The following PRKAR2B variants were observed in gnomAD, a reference collection of about 807,000 sequenced individuals.
PRKAR2B encodes cAMP-dependent protein kinase type II-beta regulatory subunit.
In PRKAR2B, 14 loss-of-function variants were observed where a neutral mutation model predicts 49.9. The ratio of observed to expected loss-of-function variants is 0.28; its 90% confidence interval spans 0.19 to 0.44. The LOEUF is 0.44. Among genes scored for constraint, PRKAR2B ranks in the 20% least tolerant of loss-of-function variants. The pLI, the probability that PRKAR2B is intolerant of heterozygous loss-of-function variation, is 1.00. For missense variants in PRKAR2B, 393 were observed against 537.9 expected, an observed-to-expected ratio of 0.73 and a Z score of 2.67; for synonymous variants, 196 against 197.7, an observed-to-expected ratio of 0.99 and a Z score of 0.07.
At chr7:107,124,560 G>C (rs967483302) in intron 3 of PRKAR2B, among the ~76,000 whole-genome samples, 1 of 152,214 alleles carries the variant, frequency 6.6e-6, no homozygotes, top group Admixed American at 6.5e-5. Context: ...TGGGACTACA[G>C]GCATGCACCA....
intron 2 of PRKAR2B, among the ~76,000 whole-genome samples, chr7:107,086,929 G>A (rs983705116): frequency 6.6e-5 from 10 of 151,900 alleles, no homozygotes; most frequent in East Asian, 1.9e-4. Context: ...TATAACTAAC[G>A]TATAACAACT....
At chr7:107,131,477 C>CT (rs1795602685) in intron 4 of PRKAR2B, among the ~76,000 whole-genome samples, 1 of 152,130 alleles carries the variant, frequency 6.6e-6, no homozygotes, top group South Asian at 2.1e-4. Context: ...TTCTTTTAGA[C>CT]TTTTTTTCAC....
chr7:107,098,764 T>G (rs201592388), intron 2 of PRKAR2B, among the ~76,000 whole-genome samples: 3 of 152,182 alleles, frequency 2.0e-5, no homozygotes, highest in African/African-American at 7.2e-5. Flanking sequence ...AGGTCTGTTG[T>G]AGTTTGCTGG....
intron 3 of PRKAR2B, among the ~76,000 whole-genome samples, chr7:107,127,381 C>G (rs1452434735): frequency 6.6e-6 from 1 of 152,236 alleles, no homozygotes; most frequent in African/African-American, 2.4e-5. Context: ...ACAAACTGTT[C>G]ATGTTCACAA....
chr7:107,151,107 C>A (rs1424545299), intron 7 of PRKAR2B, 84 bp downstream of exon 7: 33 of 746,366 alleles, frequency 4.4e-5, no homozygotes, highest in Non-Finnish European at 5.7e-5. Flanking sequence ...AGAAAAATTT[C>A]TTTGAATAAA....
intron 2 of PRKAR2B, among the ~76,000 whole-genome samples, chr7:107,119,408 G>A (rs1165358329): frequency 2.0e-5 from 3 of 152,166 alleles, no homozygotes; most frequent in African/African-American, 7.2e-5. Flanking sequence ...TTTTGAAGAT[G>A]GGGCCCATAT....
intron 3 of PRKAR2B, among the ~76,000 whole-genome samples, chr7:107,123,055 A>G (rs1196659815): frequency 2.0e-5 from 3 of 152,214 alleles, no homozygotes; most frequent in African/African-American, 7.2e-5. Context: ...TGCCTACCGT[A>G]TACTTTATGT....
At chr7:107,059,045 G>C (rs1161277197) in intron 1 of PRKAR2B, among the ~76,000 whole-genome samples, 1 of 151,970 alleles carries the variant, frequency 6.6e-6, no homozygotes, top group Non-Finnish European at 1.5e-5. Context: ...CAGCCCTTTG[G>C]GGGAGACCAA....
At chr7:107,046,389 G>A (rs377741650) in intron 1 of PRKAR2B, among the ~76,000 whole-genome samples, 19 of 152,284 alleles carry the variant, frequency 1.2e-4, no homozygotes, top group South Asian at 4.1e-4. Context: ...TCATTTCCTT[G>A]TGTATGCTCC....
At chr7:107,100,217 C>T (rs1028714670) in intron 2 of PRKAR2B, among the ~76,000 whole-genome samples, 2 of 152,060 alleles carry the variant, frequency 1.3e-5, no homozygotes, top group Admixed American at 6.5e-5. Context: ...TCAGTGTTAT[C>T]TATCTGGACA....
chr7:107,047,485 C>A (rs1584398550), intron 1 of PRKAR2B, among the ~76,000 whole-genome samples: 1 of 144,734 alleles, frequency 6.9e-6, no homozygotes, highest in African/African-American at 2.6e-5. Flanking sequence ...TGCGGTTGTA[C>A]AAAATTAGCT....
At chr7:107,137,629 T>C (rs1290456015) in intron 4 of PRKAR2B, among the ~76,000 whole-genome samples, 3 of 152,184 alleles carry the variant, frequency 2.0e-5, no homozygotes, top group African/African-American at 7.2e-5. Context: ...ACAAATGGCT[T>C]TTTTAGAGTT....
chr7:107,077,073 AT>A (rs1470024681), intron 2 of PRKAR2B, among the ~76,000 whole-genome samples: 4 of 151,942 alleles, frequency 2.6e-5, no homozygotes, highest in African/African-American at 9.7e-5. Context: ...CCCCCAAACT[AT>A]TTTTTTCCAG....
chr7:107,135,919 C>G (rs1795693731), intron 4 of PRKAR2B, among the ~76,000 whole-genome samples: 1 of 152,166 alleles, frequency 6.6e-6, no homozygotes, highest in Non-Finnish European at 1.5e-5. Context: ...CTAATACTAA[C>G]TGACTTCAAG....
intron 2 of PRKAR2B, among the ~76,000 whole-genome samples, chr7:107,108,589 C>A (rs1251629580): frequency 6.6e-6 from 1 of 152,156 alleles, no homozygotes; most frequent in African/African-American, 2.4e-5. Context: ...CCTTCGAAGC[C>A]ATATGGTGTT....
chr7:107,084,706 C>T (rs766875914), intron 2 of PRKAR2B, among the ~76,000 whole-genome samples: 8 of 151,564 alleles, frequency 5.3e-5, no homozygotes, highest in East Asian at 1.9e-4. Flanking sequence ...CTGCAAGCTC[C>T]GCCTCCCGGG....
intron 1 of PRKAR2B, 56 bp from the exon 2 acceptor site, chr7:107,070,225 G>A: frequency 1.5e-6 from 2 of 1,377,044 alleles, no homozygotes; most frequent in East Asian, 2.4e-5. Context: ...GCCTTTTCAG[G>A]GTTTTGGGAA....
chr7:107,071,555 A>G (rs1365488911), intron 2 of PRKAR2B, among the ~76,000 whole-genome samples: 1 of 152,192 alleles, frequency 6.6e-6, no homozygotes, highest in African/African-American at 2.4e-5. Context: ...ATCAAGTGTG[A>G]TCATATTCTA....
intron 2 of PRKAR2B, among the ~76,000 whole-genome samples, chr7:107,106,243 G>A (rs1349569304): frequency 6.6e-6 from 1 of 152,142 alleles, no homozygotes; most frequent in Non-Finnish European, 1.5e-5. Context: ...GTTGCCACGT[G>A]ATTTCTGCAT....
Sources: gnomAD v4.1 joint callset for allele counts (sites outside exome capture counted in the v4.1 genomes callset) on GRCh38, gnomAD v4.1.1 for gene constraint, MANE v1.5 for transcripts, NCBI Gene and HGNC (gene_info 2026-07-23, HGNC 2026-07-21) for gene names.